The following RORA variants were observed in gnomAD, a reference collection of about 807,000 sequenced individuals.
RORA encodes the protein RAR related orphan receptor A.
Under a neutral mutation model 69.5 loss-of-function variants are expected in RORA, and 7 were observed. That is an observed-to-expected ratio of 0.10 (90% CI 0.06 to 0.19). The LOEUF (loss-of-function observed/expected upper bound fraction) is 0.19. Ranked by LOEUF, RORA falls within the 10% of genes least tolerant of loss-of-function variation. The probability of loss-of-function intolerance (pLI) is 1.00; values close to 1 mark genes in which losing one functional copy is unlikely to be tolerated. For missense variants in RORA, 457 were observed against 663.0 expected, an observed-to-expected ratio of 0.69 and a Z score of 3.41; for synonymous variants, 261 against 240.8, an observed-to-expected ratio of 1.08 and a Z score of -0.78.
intron 2 of RORA, among the ~76,000 whole-genome samples, chr15:60,632,220 C>T (rs946568471): frequency 9.2e-5 from 14 of 151,954 alleles, no homozygotes; most frequent in African/African-American, 2.9e-4. Context: ...ATTCTCCTGC[C>T]TCAGCCTCCC....
At chr15:60,572,599 A>G (rs1429227325) in intron 2 of RORA, among the ~76,000 whole-genome samples, 1 of 152,224 alleles carries the variant, frequency 6.6e-6, no homozygotes, top group Non-Finnish European at 1.5e-5. Flanking sequence ...ATATTTAGGA[A>G]GAAGCGCTTA....
At chr15:60,969,952 T>G (rs1258846250) in intron 1 of RORA, among the ~76,000 whole-genome samples, 1 of 152,218 alleles carries the variant, frequency 6.6e-6, no homozygotes, top group East Asian at 1.9e-4. Context: ...ATAGGATTAG[T>G]GTTTTCGTAA....
chr15:60,574,619 A>G (rs1195478467), intron 2 of RORA, among the ~76,000 whole-genome samples: 2 of 152,214 alleles, frequency 1.3e-5, no homozygotes, highest in Non-Finnish European at 2.9e-5. Flanking sequence ...GATGTTAATA[A>G]CAACACTTCT....
chr15:60,705,936 C>G (rs189178930), intron 1 of RORA, among the ~76,000 whole-genome samples: 184 of 152,232 alleles, frequency 1.2e-3, no homozygotes, highest in Non-Finnish European at 2.0e-3. Flanking sequence ...AATTAATCCT[C>G]TTAGGGTCCC....
intron 1 of RORA, among the ~76,000 whole-genome samples, chr15:61,102,494 C>T (rs2078894004): frequency 1.3e-5 from 2 of 152,214 alleles, no homozygotes; most frequent in Non-Finnish European, 1.5e-5. Flanking sequence ...TCTGTATTCC[C>T]TCTGCTCCAG....
chr15:60,737,219 T>C (rs999202312), intron 1 of RORA, among the ~76,000 whole-genome samples: 20 of 152,268 alleles, frequency 1.3e-4, no homozygotes, highest in African/African-American at 4.6e-4. Flanking sequence ...TGTTGGACGG[T>C]CTCGTGGTCC....
intron 1 of RORA, among the ~76,000 whole-genome samples, chr15:60,781,591 T>C (rs1474248340): frequency 6.6e-6 from 1 of 152,068 alleles, no homozygotes; most frequent in Non-Finnish European, 1.5e-5. Flanking sequence ...GAACGCACGC[T>C]TTGCCACAGT....
intron 1 of RORA, among the ~76,000 whole-genome samples, chr15:61,112,256 T>C (rs1203956491): frequency 6.6e-6 from 1 of 152,204 alleles, no homozygotes; most frequent in African/African-American, 2.4e-5. Flanking sequence ...TTCTTTTACA[T>C]TGTACTTTAT....
intron 2 of RORA, among the ~76,000 whole-genome samples, chr15:60,581,934 TG>T (rs1460918590): frequency 2.0e-5 from 3 of 152,214 alleles, no homozygotes; most frequent in Admixed American, 1.3e-4. Context: ...GACGATACAT[TG>T]GGAGAGACTC....
chr15:60,890,403 T>C (rs2073800400), intron 1 of RORA, among the ~76,000 whole-genome samples: 1 of 152,218 alleles, frequency 6.6e-6, no homozygotes. Context: ...AGAAATTGCA[T>C]GCTTGCCATC....
At chr15:60,831,913 A>C (rs1479748647) in intron 1 of RORA, among the ~76,000 whole-genome samples, 1 of 152,208 alleles carries the variant, frequency 6.6e-6, no homozygotes, top group East Asian at 1.9e-4. Flanking sequence ...ATTGGGAAAA[A>C]GGTGAAGTGG....
chr15:60,514,674 T>C lies in RORA; in HGVS notation c.366A>G (p.Arg122=). 1 of 1,614,178 alleles carries C rather than the reference T, an allele frequency of 6.2e-7. No individual in the cohort carries two copies. The highest frequency in any genetic ancestry group is 2.2e-5 in the East Asian group (1 of 44,886). The change falls in exon 4 of 11, where the codon AGA becomes AGG. Residue 122 remains arginine, a synonymous_variant. Coordinates refer to ENST00000335670, the MANE Select transcript of RORA (RefSeq NM_134261.3). ...QKNCLIDRTS[R]NRCQHCRLQK... is the part of the protein sequence containing the mutation. ...GTAATCGACAGTGTTGGCAGCGGTT[T>C]CTACTGGTTCGATCAATCAAACAGT...
At chr15:61,149,737 A>G (rs1276751177) in intron 1 of RORA, among the ~76,000 whole-genome samples, 1 of 152,232 alleles carries the variant, frequency 6.6e-6, no homozygotes, top group Non-Finnish European at 1.5e-5. Context: ...TCATAATGAT[A>G]AAACATCCTG....
intron 1 of RORA, among the ~76,000 whole-genome samples, chr15:61,177,827 T>C (rs1344116949): frequency 1.3e-5 from 2 of 151,742 alleles, no homozygotes; most frequent in Non-Finnish European, 2.9e-5. Flanking sequence ...CCAAGTGTGG[T>C]GGCATGTGCC....
chr15:60,646,814 C>T (rs747421953), intron 2 of RORA, among the ~76,000 whole-genome samples: 3 of 152,184 alleles, frequency 2.0e-5, no homozygotes, highest in East Asian at 3.8e-4. Flanking sequence ...CTGTCTGGCT[C>T]GTATGCTTGG....
intron 1 of RORA, among the ~76,000 whole-genome samples, chr15:61,097,132 G>A (rs747328708): frequency 6.6e-6 from 1 of 152,164 alleles, no homozygotes; most frequent in Non-Finnish European, 1.5e-5. Flanking sequence ...GAGTGTTTCC[G>A]ATGGGGCAGA....
chr15:60,585,241 A>T (rs1480838695), intron 2 of RORA, among the ~76,000 whole-genome samples: 1 of 152,228 alleles, frequency 6.6e-6, no homozygotes, highest in East Asian at 1.9e-4. Context: ...ATTGTTTCAC[A>T]CTTGTTATAA....
intron 1 of RORA, among the ~76,000 whole-genome samples, chr15:61,172,818 A>T (rs1195367632): frequency 6.6e-6 from 1 of 152,062 alleles, no homozygotes; most frequent in Non-Finnish European, 1.5e-5. Context: ...TCCCCTAAGG[A>T]GCATGTATCC....
intron 2 of RORA, chr15:60,650,482 G>A (rs1256211388): frequency 6.6e-6 from 1 of 152,168 alleles, no homozygotes; most frequent in African/African-American, 2.4e-5. Flanking sequence ...GGTTCACATT[G>A]GTTTCCAAAC....
Sources: gnomAD v4.1 joint callset for allele counts (sites outside exome capture counted in the v4.1 genomes callset) on GRCh38, gnomAD v4.1.1 for gene constraint, MANE v1.5 for transcripts, NCBI Gene and HGNC (gene_info 2026-07-23, HGNC 2026-07-21) for gene names.